The following TLE2 variants were observed in gnomAD, a reference collection of about 807,000 sequenced individuals.
TLE2 encodes TLE family member 2, transcriptional corepressor, also known as transducin-like enhancer protein 2.
TLE2 carries 74 observed loss-of-function variants against 97.2 expected under a neutral mutation model. That is an observed-to-expected ratio of 0.76 (90% CI 0.63 to 0.92). The LOEUF is 0.92. Ranked by LOEUF, TLE2 falls within the 40% of genes least tolerant of loss-of-function variation. The pLI, the probability that TLE2 is intolerant of heterozygous loss-of-function variation, is 0.00. For synonymous variants in TLE2, 499 were observed against 432.1 expected, an observed-to-expected ratio of 1.15 and a Z score of -1.92; for missense variants, 1,038 against 1,008.7, an observed-to-expected ratio of 1.03 and a Z score of -0.39.
intron 8 of TLE2, 113 bp downstream of exon 8, chr19:3,017,727 A>G: frequency 1.0e-6 from 1 of 998,614 alleles, no homozygotes; most frequent in Non-Finnish European, 1.5e-6. Context: ...GCTGGGATCA[A>G]AGGCGTGAGC....
intron 5 of TLE2, chr19:3,020,103 T>A: frequency 3.3e-6 from 1 of 301,818 alleles, no homozygotes; most frequent in Admixed American, 4.5e-5. Flanking sequence ...GCCAACATGG[T>A]GAAACACCTG....
intron 4 of TLE2, among the ~76,000 whole-genome samples, chr19:3,026,558 G>C (rs954247669): frequency 2.7e-5 from 4 of 146,312 alleles, no homozygotes; most frequent in Non-Finnish European, 4.4e-5. Context: ...TCAGCACATA[G>C]ATATGATAAT....
intron 17 of TLE2, 27 bp downstream of exon 17, chr19:3,005,410 C>A (rs1205493284): frequency 6.2e-7 from 1 of 1,610,432 alleles, no homozygotes; most frequent in South Asian, 1.1e-5. Context: ...GAGCTTCCAT[C>A]CCCCTCCTGC....
chr19:3,016,148 C>T (rs1258426871), intron 8 of TLE2, among the ~76,000 whole-genome samples: 1 of 151,818 alleles, frequency 6.6e-6, no homozygotes, highest in Non-Finnish European at 1.5e-5. Flanking sequence ...GTTGGCCAGG[C>T]CTATCTCGAA....
chr19:3,015,552 T>C, intron 9 of TLE2, 101 bp downstream of exon 9: 1 of 900,466 alleles, frequency 1.1e-6, no homozygotes, highest in Non-Finnish European at 1.8e-6. Context: ...GGCTCCGGAG[T>C]GAGAGAATTA....
Position 3,004,366 on chromosome 19 carries a change from G to A in TLE2, c.1896+1071C>T, listed in dbSNP as rs373386851. Among the ~76,000 whole-genome samples the A allele has an allele frequency of 1.1e-4, 17 of 151,982 alleles. 1 individual carries two copies. The highest frequency in any genetic ancestry group is 3.9e-4 in the African/African-American group (16 of 41,368). On this transcript the variant is annotated intron_variant, in intron 17 of 19. Transcript: ENST00000262953. ...ACATAAAGAGCTTGGGAGGGCAAGC[G>A]CGGTGGCTCAGGCCTGTAATTCCCA...
chr19:3,001,795 T>C (rs1055804658), intron 18 of TLE2, among the ~76,000 whole-genome samples: 9 of 140,990 alleles, frequency 6.4e-5, no homozygotes, highest in Admixed American at 1.4e-4. Context: ...TTCTTTCTTT[T>C]TTTTTTTTTT....
intron 14 of TLE2, among the ~76,000 whole-genome samples, chr19:3,008,302 C>T (rs1453184935): frequency 6.6e-6 from 1 of 152,126 alleles, no homozygotes; most frequent in Non-Finnish European, 1.5e-5. Flanking sequence ...CCCTGGCCTC[C>T]ACACTCCAGG....
chr19:3,000,626 G>T, intron 19 of TLE2, 21 bp downstream of exon 19: 2 of 1,566,156 alleles, frequency 1.3e-6, no homozygotes, highest in Non-Finnish European at 1.7e-6. Context: ...GCCAGAGTGG[G>T]GGCTCCAGAC....
chr19:3,009,590 G>A lies in TLE2; in HGVS notation c.1125C>T (p.His375=), dbSNP rs2089547779. The A allele has an allele frequency of 6.2e-7, 1 of 1,613,544 alleles. No homozygotes were observed. Among genetic ancestry groups the A allele is most frequent in the Non-Finnish European group, 8.5e-7 (1 of 1,179,744 alleles). ...CAGAGCTGCTGACCTGGGGGGACAG[G>A]TGGAGGCTGACGTAGGAGCTGGGCA... is the stretch of plus-strand genomic sequence containing the variant. The part of the protein sequence containing the change: ...LSVPSSYVSL[H]LSPQVSSSVV... The change falls in exon 13 of 20, where the codon CAC becomes CAT. Residue 375 remains histidine, a synonymous_variant. Coordinates refer to ENST00000262953, the MANE Select transcript of TLE2 (RefSeq NM_003260.5).
Position 3,017,845 on chromosome 19 carries a change from T to C in TLE2, c.565A>G (p.Ser189Gly). The C allele has an allele frequency of 6.2e-7, 1 of 1,612,394 alleles. No individual in the cohort carries two copies. The highest frequency in any genetic ancestry group is 2.2e-5 in the East Asian group (1 of 44,754). The change falls in exon 8 of 20, where the codon AGC (serine) becomes GGC (glycine). Residue 189 changes from serine to glycine, a missense_variant. Physicochemically the swap from Ser to Gly is moderately conservative, Grantham distance 56. Coordinates refer to ENST00000262953, the MANE Select transcript of TLE2 (RefSeq NM_003260.5). ...CCAGGGTGCCACTCACTTACCCTGCTCGGGGCTCTCTCCACTGACAGATTG... is the reference window on the plus strand; with the variant it reads ...CCAGGGTGCCACTCACTTACCCTGCCCGGGGCTCTCTCCACTGACAGATTG... ...AEGSRVERAP[S>G]RSASPSPPES...
Position 3,019,287 on chromosome 19 carries a change from G to A in TLE2, c.546C>T (p.Ser182=), listed in dbSNP as rs994619300. 52 of 1,574,310 alleles carry A rather than the reference G, an allele frequency of 3.3e-5. No homozygotes were observed. Among genetic ancestry groups the A allele is most frequent in the Non-Finnish European group, 4.3e-5 (50 of 1,168,588 alleles). ...CACCCCGTGCTGCCCACTCACCTCT[G>A]GACCCCTCGGCCTCCACGCCCGCAC... ...EDRAGVEAEG[S]RVERAPSRSA... The change falls in exon 7 of 20, where the codon TCC becomes TCT. Residue 182 remains serine (S), a synonymous_variant. Transcript: ENST00000262953. This position sits in a 1 kb window ranked among gnomAD's most constrained non-coding sequence, Gnocchi z 5.1.
chr19:2,997,844 T>G lies in TLE2; in HGVS notation c.*4A>C. The G allele has an allele frequency of 6.3e-7, 1 of 1,599,110 alleles. No individual in the cohort carries two copies. Among genetic ancestry groups the G allele is most frequent in the Non-Finnish European group, 8.5e-7 (1 of 1,170,900 alleles). ...ACTTCGGGTACAGGAAGGGGGGTCA[T>G]GTCTCAGTAGACCACCTCATACACG... is the stretch of plus-strand genomic sequence containing the variant. On this transcript the variant is annotated 3_prime_UTR_variant, in exon 20 of 20. Coordinates refer to ENST00000262953, the MANE Select transcript of TLE2 (RefSeq NM_003260.5).
At chr19:3,000,824 C>CA in intron 18 of TLE2, 101 bp from the exon 19 acceptor site, 3 of 505,198 alleles carry the variant, frequency 5.9e-6, no homozygotes, top group Admixed American at 3.5e-5. Flanking sequence ...TGGCCTCTCC[C>CA]TTTTTTTTTT....
chr19:3,001,793 T>TTC (rs1491052366), intron 18 of TLE2, among the ~76,000 whole-genome samples: 3 of 32,354 alleles, frequency 9.3e-5, no homozygotes, highest in African/African-American at 3.1e-4. Context: ...TTTTCTTTCT[T>TTC]TTTTTTTTTT....
upstream of TLE2, among the ~76,000 whole-genome samples, chr19:3,033,217 G>A (rs528711789): frequency 1.3e-5 from 2 of 152,034 alleles, no homozygotes; most frequent in Non-Finnish European, 2.9e-5. Flanking sequence ...GCCCAGGCTG[G>A]AGTGCAGTGG....
In TLE2 at chr19:3,002,951, G is replaced by A. The variant is rs191444781; in HGVS notation, c.1897-448C>T. 3.2e-3 allele frequency among the ~76,000 whole-genome samples: 484 copies of A among 152,110 alleles called. 1 individual carries two copies. Among genetic ancestry groups the A allele is most frequent in the Admixed American group, 5.8e-3 (89 of 15,246 alleles). The stretch of plus-strand genomic sequence containing the variant: ...CAACCTCAAGTGATCTGCCCGCCTC[G>A]GCCTCCCAAAGTGCTGGGACTACAG... On this transcript the variant is annotated intron_variant, in intron 17 of 19. Coordinates refer to ENST00000262953, the MANE Select transcript of TLE2 (RefSeq NM_003260.5).
At chr19:2,998,520 C>A (rs570626968) in intron 19 of TLE2, among the ~76,000 whole-genome samples, 1 of 152,070 alleles carries the variant, frequency 6.6e-6, no homozygotes, top group African/African-American at 2.4e-5. Context: ...TCAGGTGATC[C>A]GCCTGCCTTG....
In TLE2 at chr19:3,005,344, G is replaced by C; in HGVS notation, c.1896+93C>G. Reference sequence around the variant, plus strand: ...CCACAGCAGATGGGAGTCCTGTCCTGTCCTGCCTCTGGAAGTGGGCACCTC... The same window carrying C: ...CCACAGCAGATGGGAGTCCTGTCCTCTCCTGCCTCTGGAAGTGGGCACCTC... On this transcript the variant is annotated intron_variant, in intron 17 of 19. Transcript: ENST00000262953. The C allele has an allele frequency of 3.3e-6, 5 of 1,505,488 alleles. No individual in the cohort carries two copies. In the South Asian group the frequency reaches 6.6e-5, roughly 20 times the overall value. 93.3% of individuals were successfully genotyped at this position (1,505,488 alleles called of 1,614,324 possible). A position where few individuals can be genotyped will look rare whatever the true frequency, so the allele number is the denominator to read the frequency against.
Sources: gnomAD v4.1 joint callset for allele counts (sites outside exome capture counted in the v4.1 genomes callset) on GRCh38, gnomAD v4.1.1 for gene constraint, Gnocchi (gnomAD v3.1) non-coding constraint, MANE v1.5 for transcripts, NCBI Gene and HGNC (gene_info 2026-07-23, HGNC 2026-07-21) for gene names.